The following NCAM1 variants were observed in gnomAD, a reference collection of about 807,000 sequenced individuals.
The protein encoded by NCAM1 is antigen recognized by monoclonal antibody 5.1H11.
Under a neutral mutation model 109.8 loss-of-function variants are expected in NCAM1, and 14 were observed. The observed-to-expected ratio is 0.13, with a 90% CI of 0.08 to 0.20. NCAM1 has a LOEUF of 0.20. Among genes scored for constraint, NCAM1 ranks in the 10% least tolerant of loss-of-function variants. The pLI is 1.00. For missense variants in NCAM1, 774 were observed against 1,109.9 expected (o/e 0.70, Z 4.30); for synonymous variants, 418 against 442.9 (o/e 0.94, Z 0.70).
chr11:113,041,921 CT>C (rs1190627244), intron 1 of NCAM1, among the ~76,000 whole-genome samples: 3 of 152,308 alleles, frequency 2.0e-5, no homozygotes, highest in African/African-American at 7.2e-5. Context: ...AAAGAGTCCC[CT>C]CAGCTTTTCT....
At position 113,273,760 on chromosome 11, in the gene NCAM1, CTT is replaced by C. The variant is rs782411195; in HGVS notation, c.2457-1505_2457-1504del. 5 of 428,112 alleles carry C rather than the reference CTT, an allele frequency of 1.2e-5. No homozygotes were observed. The highest frequency in any genetic ancestry group is 6.5e-5 in the South Asian group (4 of 61,342). The allele number at this position is 428,112 out of a possible 1,614,324, so 26.5% of individuals were successfully genotyped here. Reference sequence around the variant, plus strand: ...CCAGCAAAGACCGAGTACGGCCTCTCTTTGTCTGCTGTCATCGGGTTGTGTCC... The same window carrying C: ...CCAGCAAAGACCGAGTACGGCCTCTCTGTCTGCTGTCATCGGGTTGTGTCC... On this transcript the variant is annotated intron_variant, in intron 19 of 19. Transcript: ENST00000316851. This position sits in a 1 kb window ranked among gnomAD's most constrained non-coding sequence, Gnocchi z 6.0.
At chr11:113,156,043 A>G (rs1942399385) in intron 1 of NCAM1, among the ~76,000 whole-genome samples, 1 of 152,208 alleles carries the variant, frequency 6.6e-6, no homozygotes, top group Non-Finnish European at 1.5e-5. Flanking sequence ...CAAATGGCAC[A>G]CAAGCCTGGA....
chr11:112,986,354 T>G (rs1951304020), intron 1 of NCAM1, among the ~76,000 whole-genome samples: 1 of 150,094 alleles, frequency 6.7e-6, no homozygotes, highest in Admixed American at 6.7e-5. Context: ...TACTTAGGGA[T>G]ATTGGCCTGT....
At chr11:113,034,985 G>A (rs139299025) in intron 1 of NCAM1, among the ~76,000 whole-genome samples, 14 of 152,226 alleles carry the variant, frequency 9.2e-5, no homozygotes, top group Middle Eastern at 6.8e-3. Flanking sequence ...CAACACTCTC[G>A]AGCATTTTAT....
At chr11:113,059,485 T>G in intron 1 of NCAM1, among the ~76,000 whole-genome samples, 1 of 152,316 alleles carries the variant, frequency 6.6e-6, no homozygotes, top group African/African-American at 2.4e-5. Context: ...GTTTCTTCAC[T>G]TGCACATCTG....
At chr11:113,032,541 C>G (rs1247758325) in intron 1 of NCAM1, among the ~76,000 whole-genome samples, 2 of 152,200 alleles carry the variant, frequency 1.3e-5, no homozygotes, top group Non-Finnish European at 2.9e-5. Flanking sequence ...TGCATTGCCC[C>G]CACTTACCTG....
chr11:113,124,163 C>T (rs1321520750), intron 1 of NCAM1, among the ~76,000 whole-genome samples: 2 of 152,312 alleles, frequency 1.3e-5, no homozygotes, highest in East Asian at 3.9e-4. Context: ...TCTCACTAGG[C>T]AGAAGACCCG....
chr11:113,000,856 A>AAAT (rs1389480369), intron 1 of NCAM1, among the ~76,000 whole-genome samples: 5 of 44,620 alleles, frequency 1.1e-4, no homozygotes, highest in African/African-American at 3.7e-4. Flanking sequence ...ATACACAAAA[A>AAAT]ATATATATAT....
intron 1 of NCAM1, among the ~76,000 whole-genome samples, chr11:113,100,375 G>A (rs1165792618): frequency 2.0e-5 from 3 of 152,198 alleles, no homozygotes; most frequent in Non-Finnish European, 4.4e-5. Flanking sequence ...GTTGCTGTCT[G>A]TGGATGGCTA....
At chr11:113,226,115 C>T (rs1242798976) in intron 9 of NCAM1, among the ~76,000 whole-genome samples, 10 of 152,172 alleles carry the variant, frequency 6.6e-5, no homozygotes, top group African/African-American at 2.4e-4. Flanking sequence ...GCTAAATACT[C>T]CAATTAAAAG....
intron 16 of NCAM1, among the ~76,000 whole-genome samples, chr11:113,257,436 C>T (rs1424025630): frequency 6.6e-6 from 1 of 152,198 alleles, no homozygotes; most frequent in Non-Finnish European, 1.5e-5. Context: ...TATAAAGATG[C>T]ATTATAATAT....
chr11:113,128,544 A>G (rs1941267741), intron 1 of NCAM1, among the ~76,000 whole-genome samples: 1 of 141,296 alleles, frequency 7.1e-6, no homozygotes, highest in Non-Finnish European at 1.5e-5. Context: ...CTCCATGGTG[A>G]CAATGGTGAC....
In NCAM1 at chr11:113,271,945, C is replaced by T. The variant is rs548473536; in HGVS notation, c.2456+69C>T. ...CCACACCCACCTCCCCACCCTACCC[C>T]CACCTCCCGTGCCCCTACCCACAGC... On this transcript the variant is annotated intron_variant, in intron 19 of 19. Coordinates refer to ENST00000316851, the MANE Select transcript of NCAM1 (RefSeq NM_181351.5). 8.6e-4 allele frequency: 1,064 copies of T among 1,241,990 alleles called. 9 individuals are homozygous for T. The highest frequency in any genetic ancestry group is 3.7e-3 in the South Asian group (264 of 71,942). The allele number at this position is 1,241,990 out of a possible 1,614,324, so 76.9% of individuals were successfully genotyped here.
chr11:113,185,079 T>TATATATATATATATAGAGAGAG, intron 1 of NCAM1, among the ~76,000 whole-genome samples: 224 of 125,642 alleles, frequency 1.8e-3, no homozygotes, highest in East Asian at 7.2e-3. Context: ...TATATATATA[T>TATATATATATATATAGAGAGAG]AGAGAGAGAG....
intron 1 of NCAM1, among the ~76,000 whole-genome samples, chr11:113,147,383 C>T (rs1942056280): frequency 1.3e-5 from 2 of 152,216 alleles, no homozygotes; most frequent in South Asian, 4.1e-4. Flanking sequence ...ACGGCTAGCT[C>T]ATGGGAGGAG....
chr11:113,213,848 G>T (rs957135497), intron 7 of NCAM1, among the ~76,000 whole-genome samples: 1 of 152,140 alleles, frequency 6.6e-6, no homozygotes. Context: ...ATGCTTTTGT[G>T]CCCCTGACTA....
Position 113,165,097 on chromosome 11 carries a change from A to T in NCAM1, c.53-37282A>T. 1.3e-5 allele frequency among the ~76,000 whole-genome samples: 2 copies of T among 152,220 alleles called. 1 individual carries two copies. Among genetic ancestry groups the T allele is most frequent in the Non-Finnish European group, 2.9e-5 (2 of 68,038 alleles). On this transcript the variant is annotated intron_variant, in intron 1 of 19. Transcript: ENST00000316851. ...GTCTGCTCATTGGCAGCAAGCACCC[A>T]GCATGACAATGGAAACGTGTCTGTG... is the stretch of plus-strand genomic sequence containing the variant.
intron 1 of NCAM1, among the ~76,000 whole-genome samples, chr11:113,000,845 T>TATATATATATATATATATAC (rs1951731961): frequency 9.6e-6 from 1 of 103,858 alleles, no homozygotes; most frequent in Admixed American, 8.7e-5. Context: ...TATATATATA[T>TATATATATATATATATATAC]ATACACAAAA....
intron 1 of NCAM1, among the ~76,000 whole-genome samples, chr11:113,027,267 A>G (rs1952574769): frequency 6.6e-6 from 1 of 152,260 alleles, no homozygotes; most frequent in Non-Finnish European, 1.5e-5. Flanking sequence ...TGGGATCCTA[A>G]AGAGTATATA....
Sources: gnomAD v4.1 joint callset for allele counts (sites outside exome capture counted in the v4.1 genomes callset) on GRCh38, gnomAD v4.1.1 for gene constraint, Gnocchi (gnomAD v3.1) non-coding constraint, MANE v1.5 for transcripts, NCBI Gene and HGNC (gene_info 2026-07-23, HGNC 2026-07-21) for gene names.